The following CPLANE1 variants were observed in gnomAD, a reference collection of about 807,000 sequenced individuals.
CPLANE1 encodes the protein ciliogenesis and planar polarity effector complex subunit 1, also known as ciliogenesis and planar polarity effector 1.
In CPLANE1, 263 loss-of-function variants were observed where a neutral mutation model predicts 362.5. The observed-to-expected ratio is 0.73, with a 90% CI of 0.66 to 0.80. The LOEUF (loss-of-function observed/expected upper bound fraction) is 0.80. Among genes scored for constraint, CPLANE1 ranks in the 30% least tolerant of loss-of-function variants. CPLANE1 has a pLI of 0.00. For synonymous variants in CPLANE1, 1,212 were observed against 1,302.6 expected, an observed-to-expected ratio of 0.93 and a Z score of 1.50; for missense variants, 3,461 against 3,793.4, an observed-to-expected ratio of 0.91 and a Z score of 2.30.
At chr5:37,144,746 G>A (rs1771000247) in intron 43 of CPLANE1, among the ~76,000 whole-genome samples, 1 of 150,886 alleles carries the variant, frequency 6.6e-6, no homozygotes. Flanking sequence ...AGCTACTCAG[G>A]AGACTGAGGC....
chr5:37,161,288 A>G (rs1364712666), intron 38 of CPLANE1, among the ~76,000 whole-genome samples: 1 of 152,206 alleles, frequency 6.6e-6, no homozygotes. Context: ...TGATTCCAGG[A>G]GACTTTATGA....
At chr5:37,137,451 C>T (rs968532866) in intron 46 of CPLANE1, among the ~76,000 whole-genome samples, 2 of 152,212 alleles carry the variant, frequency 1.3e-5, no homozygotes, top group African/African-American at 4.8e-5. Context: ...CTGCCTGTTA[C>T]CCAGTTCCAA....
In CPLANE1 at chr5:37,157,433, AAAAT is replaced by A. The variant is rs1386524385; in HGVS notation, c.8012-17_8012-14del. 1 of 1,493,154 alleles carries A rather than the reference AAAAT, an allele frequency of 6.7e-7. No individual in the cohort carries two copies. Among genetic ancestry groups the A allele is most frequent in the Admixed American group, 1.8e-5 (1 of 56,876 alleles). The allele number at this position is 1,493,154 out of a possible 1,614,324, so 92.5% of individuals were successfully genotyped here. On this transcript the variant is annotated splice_polypyrimidine_tract_variant and intron_variant, in intron 40 of 52. Transcript: ENST00000651892. ...GCTGGAGTTACTTCTGCAGGTTTAG[AAAAT>A]AAATCCATAGAGGAATTGGCTGATT...
intron 12 of CPLANE1, among the ~76,000 whole-genome samples, chr5:37,225,483 C>T (rs1390184161): frequency 6.6e-6 from 1 of 152,192 alleles, no homozygotes; most frequent in Non-Finnish European, 1.5e-5. Context: ...CCACCCACCT[C>T]AGCCTCCCAA....
chr5:37,217,172 G>T (rs1794263048), intron 15 of CPLANE1, among the ~76,000 whole-genome samples: 1 of 152,072 alleles, frequency 6.6e-6, no homozygotes, highest in Admixed American at 6.6e-5. Flanking sequence ...TTATACAAAG[G>T]TAAGATTTTC....
intron 46 of CPLANE1, among the ~76,000 whole-genome samples, chr5:37,132,343 T>TGTG (rs1176984903): frequency 4.4e-5 from 6 of 135,520 alleles, no homozygotes; most frequent in African/African-American, 1.7e-4. Flanking sequence ...TCAAGTTTTT[T>TGTG]TTTTTTTTTT....
chr5:37,207,166 G>T (rs1051409304), intron 16 of CPLANE1, among the ~76,000 whole-genome samples: 1 of 152,154 alleles, frequency 6.6e-6, no homozygotes. Flanking sequence ...TAGGATAAAA[G>T]AAATGTTATT....
At chr5:37,136,056 C>T (rs565295893) in intron 46 of CPLANE1, among the ~76,000 whole-genome samples, 1 of 152,276 alleles carries the variant, frequency 6.6e-6, no homozygotes, top group Admixed American at 6.5e-5. Context: ...AAAACACAAT[C>T]ATGTCCTTCC....
chr5:37,244,414 A>C lies in CPLANE1; in HGVS notation c.531T>G (p.Asp177Glu). Residue 177 changes from aspartate (D) to glutamate (E), a missense_variant, in exon 5 of 53, where the codon GAT (aspartate) becomes GAG (glutamate). Physicochemically the swap from Asp to Glu is conservative, Grantham distance 45. Transcript: ENST00000651892. ...EEAVLLPSTE[D>E]KEAVVNAVFI... is the part of the protein sequence containing the mutation. ...AAACAGCATTCACTACAGCTTCTTT[A>C]TCTTCGGTGGAAGGCAAGAGAACTG... 1 of 1,550,920 alleles carries C rather than the reference A, an allele frequency of 6.4e-7. No individual in the cohort carries two copies.
At chr5:37,161,826 A>G (rs1405465345) in intron 38 of CPLANE1, among the ~76,000 whole-genome samples, 1 of 152,238 alleles carries the variant, frequency 6.6e-6, no homozygotes, top group African/African-American at 2.4e-5. Context: ...AGATTGCTAA[A>G]TCACCCAAAT....
chr5:37,210,161 C>T (rs1285743900), intron 16 of CPLANE1: 18 of 1,162,414 alleles, frequency 1.5e-5, no homozygotes, highest in South Asian at 2.5e-5. Context: ...GGGAAAAGAG[C>T]ACCCTTGAGA....
At chr5:37,203,578 A>G (rs1789829042) in intron 18 of CPLANE1, among the ~76,000 whole-genome samples, 1 of 152,152 alleles carries the variant, frequency 6.6e-6, no homozygotes, top group Non-Finnish European at 1.5e-5. Flanking sequence ...CAGTGGCACA[A>G]TCATGGCTCA....
chr5:37,083,294 G>A, the CPLANE1 span, among the ~76,000 whole-genome samples: 1 of 152,140 alleles, frequency 6.6e-6, no homozygotes, highest in Non-Finnish European at 1.5e-5. Flanking sequence ...TTCAGCCCTA[G>A]ACCTTCCCTC....
At chr5:37,127,549 G>C (rs1260927264) in intron 46 of CPLANE1, among the ~76,000 whole-genome samples, 1 of 127,216 alleles carries the variant, frequency 7.9e-6, no homozygotes, top group Non-Finnish European at 1.6e-5. Context: ...ATGGAGTTTC[G>C]CTCTTGTTGC....
At chr5:37,132,232 A>C (rs1223738195) in intron 46 of CPLANE1, among the ~76,000 whole-genome samples, 2 of 152,046 alleles carry the variant, frequency 1.3e-5, no homozygotes, top group Admixed American at 6.6e-5. Flanking sequence ...AGGTCTTATA[A>C]GTTCAATAAT....
intron 21 of CPLANE1, 97 bp downstream of exon 21, chr5:37,195,761 A>G: frequency 8.7e-7 from 1 of 1,155,402 alleles, no homozygotes; most frequent in Non-Finnish European, 1.2e-6. Flanking sequence ...GTAAAATATC[A>G]GAGCATATTG....
In CPLANE1 at chr5:37,121,665, G is replaced by A. The variant is rs766147646; in HGVS notation, c.9137C>T (p.Pro3046Leu). The A allele has an allele frequency of 2.5e-6, 4 of 1,614,134 alleles. No homozygotes were observed. The African/African-American group carries it at 4.0e-5, about 16-fold the overall frequency. Residue 3046 changes from proline (P) to leucine (L), a missense_variant, in exon 49 of 53, where the codon CCC (proline) becomes CTC (leucine). By Grantham distance (98) the Pro-to-Leu change is moderately conservative. Transcript: ENST00000651892. ...ACAACTGGAAGACTGAGTAGGGCTG[G>A]GTTTGTTAGGCAATGGTTTCTGTGG... Reference protein sequence around the residue: ...TLPQKPLPNKPSPTQSSSCQH... With the variant: ...TLPQKPLPNKLSPTQSSSCQH...
At chr5:37,124,461 T>C (rs1763601319) in intron 47 of CPLANE1, among the ~76,000 whole-genome samples, 1 of 152,212 alleles carries the variant, frequency 6.6e-6, no homozygotes, top group Non-Finnish European at 1.5e-5. Context: ...AGAACTGACA[T>C]TGTTCTGTTG....
rs1013375621 is a variant in CPLANE1 at position 37,184,804 on chromosome 5, T to C, written c.4465A>G (p.Ile1489Val). 3 of 1,611,708 alleles carry C rather than the reference T, an allele frequency of 1.9e-6. No individual in the cohort carries two copies. The highest frequency in any genetic ancestry group is 8.5e-7 in the Non-Finnish European group (1 of 1,179,226). ...CAATTGTACCTTTGATAGATATTTA[T>C]CCTACTTTTTTCTTCAACCGACAAA... Reference protein sequence around the residue: ...EALSVEEKSRINIYQRNAPNH... With the variant: ...EALSVEEKSRVNIYQRNAPNH... Residue 1489 changes from isoleucine (I) to valine (V), a missense_variant, in exon 25 of 53, where the codon ATA (isoleucine) becomes GTA (valine). Coordinates refer to ENST00000651892, the MANE Select transcript of CPLANE1 (RefSeq NM_001384732.1).
Sources: gnomAD v4.1 joint callset for allele counts (sites outside exome capture counted in the v4.1 genomes callset) on GRCh38, gnomAD v4.1.1 for gene constraint, MANE v1.5 for transcripts, NCBI Gene and HGNC (gene_info 2026-07-23, HGNC 2026-07-21) for gene names.